The following PLEKHA7 variants were observed in gnomAD, a reference collection of about 807,000 sequenced individuals.
PLEKHA7 encodes pleckstrin homology domain-containing family A member 7.
A neutral mutation model predicts 170.0 loss-of-function variants in PLEKHA7; 104 were observed. The ratio of observed to expected loss-of-function variants is 0.61; its 90% CI spans 0.52 to 0.72. The LOEUF (loss-of-function observed/expected upper bound fraction) is 0.72. Among genes scored for constraint, PLEKHA7 ranks in the 30% least tolerant of loss-of-function variants. The pLI, the probability that PLEKHA7 is intolerant of heterozygous loss-of-function variation, is 0.00. For missense variants in PLEKHA7, 1,615 were observed against 1,671.7 expected (o/e 0.97, Z 0.59); for synonymous variants, 648 against 660.8 (o/e 0.98, Z 0.30).
chr11:16,783,629 A>G, intron 25 of PLEKHA7, 71 bp downstream of exon 25: 1 of 1,309,182 alleles, frequency 7.6e-7, no homozygotes, highest in Non-Finnish European at 9.7e-7. Flanking sequence ...AGCCCGGCCC[A>G]GGGCCCACAT....
chr11:16,923,426 G>C (rs544558237), intron 3 of PLEKHA7, among the ~76,000 whole-genome samples: 1 of 152,122 alleles, frequency 6.6e-6, no homozygotes, highest in Non-Finnish European at 1.5e-5. Flanking sequence ...CAGGTGGCAG[G>C]GCAGGTGGCA....
At chr11:16,932,148 A>G (rs1044182308) in intron 3 of PLEKHA7, among the ~76,000 whole-genome samples, 2 of 152,158 alleles carry the variant, frequency 1.3e-5, no homozygotes, top group African/African-American at 4.8e-5. Context: ...CTGAGCCACT[A>G]TTCCTCAACT....
chr11:16,862,710 A>G (rs1299725662), intron 4 of PLEKHA7, among the ~76,000 whole-genome samples: 1 of 152,182 alleles, frequency 6.6e-6, no homozygotes, highest in Non-Finnish European at 1.5e-5. Context: ...GCAATACCAA[A>G]GGCCCAGCCA....
intron 3 of PLEKHA7, among the ~76,000 whole-genome samples, chr11:16,930,935 A>G (rs16933684): frequency 0.13 from 20,231 of 152,120 alleles, 1,373 homozygotes; most frequent in Admixed American, 0.16. Flanking sequence ...TCCCTGCCGC[A>G]CCTAAGCTGG....
At chr11:16,782,489 C>T (rs1849108937) in intron 26 of PLEKHA7, among the ~76,000 whole-genome samples, 1 of 152,232 alleles carries the variant, frequency 6.6e-6, no homozygotes, top group South Asian at 2.1e-4. Flanking sequence ...AGCACCACTC[C>T]TCCTGGGACC....
intron 7 of PLEKHA7, among the ~76,000 whole-genome samples, 187 bp downstream of exon 7, chr11:16,852,096 C>T (rs1284812112): frequency 6.6e-6 from 1 of 152,204 alleles, no homozygotes; most frequent in Non-Finnish European, 1.5e-5. Context: ...ACCTATGTCC[C>T]AAATGGGACA....
intron 3 of PLEKHA7, among the ~76,000 whole-genome samples, chr11:16,985,898 C>A (rs1449376109): frequency 6.6e-6 from 1 of 152,204 alleles, no homozygotes; most frequent in Non-Finnish European, 1.5e-5. Flanking sequence ...CAGTACATAA[C>A]AAATGAATGA....
At chr11:16,809,249 T>C (rs1350605291) in intron 13 of PLEKHA7, among the ~76,000 whole-genome samples, 1 of 152,166 alleles carries the variant, frequency 6.6e-6, no homozygotes, top group Non-Finnish European at 1.5e-5. Flanking sequence ...AAGGTAAAGC[T>C]TCTCAACGTG....
intron 3 of PLEKHA7, among the ~76,000 whole-genome samples, chr11:16,886,372 T>TA (rs1464624671): frequency 6.6e-6 from 1 of 151,922 alleles, no homozygotes; most frequent in African/African-American, 2.4e-5. Context: ...TGCCACCATT[T>TA]AAAAAAAATA....
rs1417922298 is a variant in PLEKHA7 at position 16,841,703 on chromosome 11, C to T, written c.716G>A (p.Arg239Gln). The T allele has an allele frequency of 5.0e-6, 8 of 1,613,978 alleles. No individual in the cohort carries two copies. Among genetic ancestry groups the T allele is most frequent in the South Asian group, 2.2e-5 (2 of 91,046 alleles). ...YSFKAVHTGM[R>Q]ALIYNSSTAG... ...TGTGGAGCTGTTATAGATGAGCGCTCGCATCCCCGTGTGCACAGCCTGTAG... is the reference window on the plus strand; with the variant it reads ...TGTGGAGCTGTTATAGATGAGCGCTTGCATCCCCGTGTGCACAGCCTGTAG... Residue 239 changes from arginine to glutamine, a missense_variant, in exon 9 of 27, where the codon CGA (arginine) becomes CAA (glutamine). By Grantham distance (43) the Arg-to-Gln change is conservative. Transcript: ENST00000531066.
chr11:16,986,872 G>A (rs755435121), intron 3 of PLEKHA7, among the ~76,000 whole-genome samples: 3 of 152,196 alleles, frequency 2.0e-5, no homozygotes, highest in Non-Finnish European at 4.4e-5. Flanking sequence ...AGGAAGGGAG[G>A]CAGGAAAGGG....
chr11:17,001,301 A>G (rs890148275), intron 3 of PLEKHA7, among the ~76,000 whole-genome samples: 3 of 152,078 alleles, frequency 2.0e-5, no homozygotes, highest in Non-Finnish European at 4.4e-5. Context: ...CTGAACAGAT[A>G]ATTCCTTGAT....
In PLEKHA7 at chr11:16,794,912, G is replaced by A. The variant is rs994546822; in HGVS notation, c.2516C>T (p.Pro839Leu). The part of the protein sequence containing the change: ...FRILVESVKN[P>L]ERKTVPLFPH... ...ATCCAGGAAGATGAACATCTCACCC[G>A]GATTTTTTACTGACTCCACTAGAAT... The change falls in exon 18 of 27, where the codon CCG becomes CTG. Residue 839 changes from proline (P) to leucine (L), a missense_variant and splice_region_variant. Coordinates refer to ENST00000531066, the MANE Select transcript of PLEKHA7 (RefSeq NM_001329630.2). 2.6e-5 allele frequency: 42 copies of A among 1,586,506 alleles called. No homozygotes were observed. Among genetic ancestry groups the A allele is most frequent in the Admixed American group, 3.4e-5 (2 of 58,742 alleles).
intron 3 of PLEKHA7, among the ~76,000 whole-genome samples, chr11:16,981,884 T>A (rs900212868): frequency 6.6e-6 from 1 of 152,200 alleles, no homozygotes; most frequent in African/African-American, 2.4e-5. Flanking sequence ...GGAGCCGGAA[T>A]GCAGGGTCCT....
intron 3 of PLEKHA7, among the ~76,000 whole-genome samples, chr11:16,925,828 C>T (rs1040417954): frequency 6.6e-6 from 1 of 152,244 alleles, no homozygotes; most frequent in Non-Finnish European, 1.5e-5. Flanking sequence ...CAGGTGCTGC[C>T]GTTCGGCCAG....
chr11:16,789,817 G>A lies in PLEKHA7; in HGVS notation c.3114C>T (p.Leu1038=). 1.2e-6 allele frequency: 2 copies of A among 1,614,140 alleles called. No homozygotes were observed. Among genetic ancestry groups the A allele is most frequent in the South Asian group, 2.2e-5 (2 of 91,086 alleles). ...QSSTIAPYVT[L]RRGLNAESSK... ...TGCTTTCGGCATTGAGACCCCTCCG[G>A]AGTGTGACGTAGGGAGCAATGGTGG... Residue 1038 remains leucine (L), a synonymous_variant, in exon 22 of 27, where the codon CTC becomes CTT. Transcript: ENST00000531066. The surrounding 1 kb of genome is among the most constrained non-coding windows in gnomAD (Gnocchi z 4.6).
intron 7 of PLEKHA7, among the ~76,000 whole-genome samples, chr11:16,851,552 G>A (rs1342779290): frequency 4.6e-5 from 7 of 152,080 alleles, no homozygotes; most frequent in African/African-American, 7.2e-5. Context: ...AGATTCAAGC[G>A]ATTCTCCTGC....
intron 3 of PLEKHA7, among the ~76,000 whole-genome samples, chr11:16,993,630 C>A (rs1490299219): frequency 2.0e-5 from 3 of 152,190 alleles, no homozygotes; most frequent in Admixed American, 6.5e-5. Flanking sequence ...ACCATAAAAA[C>A]TGCCCCAGCT....
At chr11:16,863,408 A>G (rs991932803) in intron 4 of PLEKHA7, among the ~76,000 whole-genome samples, 16 of 152,196 alleles carry the variant, frequency 1.1e-4, no homozygotes, top group African/African-American at 3.9e-4. Context: ...GATGCTGGGA[A>G]AGGCAGGTCA....
Sources: gnomAD v4.1 joint callset for allele counts (sites outside exome capture counted in the v4.1 genomes callset) on GRCh38, gnomAD v4.1.1 for gene constraint, Gnocchi (gnomAD v3.1) non-coding constraint, MANE v1.5 for transcripts, NCBI Gene and HGNC (gene_info 2026-07-23, HGNC 2026-07-21) for gene names.